CPEB4: variants seen among roughly 807,000 people sequenced by gnomAD.
CPEB4 encodes cytoplasmic polyadenylation element-binding protein 4.
A neutral mutation model predicts 72.5 loss-of-function variants in CPEB4; 12 were observed. The observed-to-expected ratio is 0.17, with a 90% CI of 0.11 to 0.27. The LOEUF is 0.27. Ranked by LOEUF, CPEB4 falls within the 10% of genes least tolerant of loss-of-function variation. The pLI, the probability that CPEB4 is intolerant of heterozygous loss-of-function variation, is 1.00. For synonymous variants in CPEB4, 302 were observed against 326.3 expected (o/e 0.93, Z 0.80); for missense variants, 614 against 908.5 (o/e 0.68, Z 4.17).
chr5:173,946,965 C>A (rs535790528), intron 5 of CPEB4, among the ~76,000 whole-genome samples: 9 of 152,058 alleles, frequency 5.9e-5, no homozygotes, highest in African/African-American at 1.9e-4. Context: ...TTTTCCCCCC[C>A]AAGATAAGGG....
rs973842141 is a variant in CPEB4 at position 173,889,678 on chromosome 5, C to G, written c.-56C>G. On this transcript the variant is annotated 5_prime_UTR_variant, in exon 1 of 10. Coordinates refer to ENST00000265085, the MANE Select transcript of CPEB4 (RefSeq NM_030627.4). ...AATTTGGGGTAGAGGAAAAAAAAGG[C>G]GTGAGACATCAGGTTGTCATTTTTT... 7.0e-7 allele frequency: 1 copy of G among 1,438,042 alleles called. No individual in the cohort carries two copies. Among genetic ancestry groups the G allele is most frequent in the South Asian group, 1.4e-5 (1 of 72,260 alleles). The allele number at this position is 1,438,042 out of a possible 1,614,324, so 89.1% of individuals were successfully genotyped here. A position where few individuals can be genotyped will look rare whatever the true frequency, so the allele number is the denominator to read the frequency against.
intron 1 of CPEB4, among the ~76,000 whole-genome samples, chr5:173,903,520 A>C (rs1446747742): frequency 6.6e-6 from 1 of 152,154 alleles, no homozygotes; most frequent in Admixed American, 6.6e-5. Flanking sequence ...CTTGGACACG[A>C]CCCATGCTGA....
Position 173,945,020 on chromosome 5 carries a change from G to C in CPEB4, c.1336G>C (p.Asp446His). Reference sequence around the variant, plus strand: ...TGGATTCTTGGATGATGGCCGTGGGGATCAGCCTCTTCATAGTGGCCTGGG... The same window carrying C: ...TGGATTCTTGGATGATGGCCGTGGGCATCAGCCTCTTCATAGTGGCCTGGG... ...EDGFLDDGRGDQPLHSGLGSP... is the reference protein window; with the variant it reads ...EDGFLDDGRGHQPLHSGLGSP... Residue 446 changes from aspartate to histidine, a missense_variant, in exon 5 of 10, where the codon GAT (aspartate) becomes CAT (histidine). Coordinates refer to ENST00000265085, the MANE Select transcript of CPEB4 (RefSeq NM_030627.4). 6.2e-7 allele frequency: 1 copy of C among 1,614,000 alleles called. No homozygotes were observed. Among genetic ancestry groups the C allele is most frequent in the East Asian group, 2.2e-5 (1 of 44,884 alleles).
chr5:173,925,554 G>T (rs1337011724), intron 2 of CPEB4, among the ~76,000 whole-genome samples: 1 of 152,088 alleles, frequency 6.6e-6, no homozygotes, highest in East Asian at 1.9e-4. Context: ...ATGCTGTTTT[G>T]TTCATATTGC....
intron 2 of CPEB4, among the ~76,000 whole-genome samples, chr5:173,921,181 A>G (rs757151177): frequency 7.9e-5 from 12 of 152,184 alleles, no homozygotes; most frequent in Non-Finnish European, 1.8e-4. Flanking sequence ...GCCTTCTGAT[A>G]TTAAGATTTT....
At chr5:173,929,446 C>G (rs1006327555) in intron 2 of CPEB4, among the ~76,000 whole-genome samples, 1 of 152,140 alleles carries the variant, frequency 6.6e-6, no homozygotes, top group East Asian at 1.9e-4. Flanking sequence ...TTCCTGTAAA[C>G]CCGGCACTTG....
chr5:173,897,426 T>A (rs938000133), intron 1 of CPEB4, among the ~76,000 whole-genome samples: 8 of 152,284 alleles, frequency 5.3e-5, no homozygotes, highest in East Asian at 1.9e-4. Flanking sequence ...CAAGAGTTTT[T>A]AAAAAATATT....
At chr5:173,907,267 AAACAACAACAAC>A (rs758240830) in intron 1 of CPEB4, among the ~76,000 whole-genome samples, 6 of 151,910 alleles carry the variant, frequency 3.9e-5, no homozygotes, top group East Asian at 3.9e-4. Context: ...CTCCGTCTCA[AAACAACAACAAC>A]AACAACAACA....
intron 2 of CPEB4, among the ~76,000 whole-genome samples, chr5:173,920,619 T>G (rs1757036899): frequency 6.6e-6 from 1 of 152,188 alleles, no homozygotes; most frequent in Non-Finnish European, 1.5e-5. Context: ...TGCCTTAGAT[T>G]GGTCACTTCT....
intron 2 of CPEB4, among the ~76,000 whole-genome samples, chr5:173,926,120 G>A (rs1757233996): frequency 1.3e-5 from 2 of 152,214 alleles, no homozygotes; most frequent in Non-Finnish European, 2.9e-5. Flanking sequence ...TAATTGTGCT[G>A]CAGATACATT....
At chr5:173,936,782 C>T (rs1282588296) in intron 3 of CPEB4, among the ~76,000 whole-genome samples, 1 of 151,736 alleles carries the variant, frequency 6.6e-6, no homozygotes, top group Non-Finnish European at 1.5e-5. Flanking sequence ...GAAACCACCA[C>T]CACCTCTGTA....
intron 2 of CPEB4, among the ~76,000 whole-genome samples, chr5:173,913,493 T>G (rs72812804): frequency 0.22 from 33,789 of 152,184 alleles, 4,972 homozygotes; most frequent in Non-Finnish European, 0.31. Context: ...CCACTGCACC[T>G]GGCCAGCACA....
intron 1 of CPEB4, chr5:173,893,174 G>GTC (rs1561602842): frequency 1.3e-5 from 2 of 152,114 alleles, no homozygotes; most frequent in African/African-American, 4.8e-5. Flanking sequence ...TTTTGAAAAA[G>GTC]TCTAAAGAAG....
rs749303696 is a variant in CPEB4 at position 173,889,923 on chromosome 5, G to A, written c.190G>A (p.Ala64Thr). The change falls in exon 1 of 10, where the codon GCT becomes ACT. Residue 64 changes from alanine (A) to threonine (T), a missense_variant. By Grantham distance (58) the Ala-to-Thr change is moderately conservative. Around this residue, in one of 5 missense-constraint regions of CPEB4, gnomAD observed 458 missense variants for 548.6 expected, o/e 0.83. Coordinates refer to ENST00000265085, the MANE Select transcript of CPEB4 (RefSeq NM_030627.4). ...TGCTGGGTCAGCTTGGCTTTTTCCT[G>A]CTCCAGCTACCCATAACATTCAGGA... Reference protein sequence around the residue: ...SSAGSAWLFPAPATHNIQDEI... With the variant: ...SSAGSAWLFPTPATHNIQDEI... The A allele has an allele frequency of 6.2e-6, 10 of 1,613,974 alleles. No homozygotes were observed. Among genetic ancestry groups the A allele is most frequent in the Non-Finnish European group, 8.5e-6 (10 of 1,180,010 alleles).
intron 2 of CPEB4, among the ~76,000 whole-genome samples, chr5:173,916,484 C>T (rs894421299): frequency 1.3e-5 from 2 of 152,178 alleles, no homozygotes; most frequent in African/African-American, 4.8e-5. Context: ...CACTGCCTCA[C>T]GTGTTTCATG....
chr5:173,931,145 G>T (rs1319183403), intron 2 of CPEB4, among the ~76,000 whole-genome samples: 1 of 152,148 alleles, frequency 6.6e-6, no homozygotes, highest in Non-Finnish European at 1.5e-5. Context: ...CTGTTTCAAA[G>T]AAGCAGCATT....
intron 1 of CPEB4, among the ~76,000 whole-genome samples, chr5:173,905,013 TAATA>T (rs1415976932): frequency 1.0e-5 from 1 of 99,932 alleles, no homozygotes; most frequent in South Asian, 2.6e-4. Context: ...ATAATAATAA[TAATA>T]AAAAAATGTA....
At chr5:173,930,955 C>T (rs896932728) in intron 2 of CPEB4, among the ~76,000 whole-genome samples, 2 of 141,120 alleles carry the variant, frequency 1.4e-5, no homozygotes, top group African/African-American at 5.4e-5. Context: ...TGCGCCACTG[C>T]ACTCCAGCCT....
intron 2 of CPEB4, among the ~76,000 whole-genome samples, chr5:173,927,019 CG>C (rs1757265226): frequency 6.6e-6 from 1 of 152,052 alleles, no homozygotes; most frequent in African/African-American, 2.4e-5. Flanking sequence ...CGCATGATGG[CG>C]GGTGCCAGTA....
Sources: gnomAD v4.1 joint callset for allele counts (sites outside exome capture counted in the v4.1 genomes callset) on GRCh38, gnomAD v4.1.1 for gene constraint, gnomAD v4.1.1 regional missense constraint, MANE v1.5 for transcripts, NCBI Gene and HGNC (gene_info 2026-07-23, HGNC 2026-07-21) for gene names.